PDS5A: variants seen among roughly 807,000 people sequenced by gnomAD.
The protein encoded by PDS5A is sister chromatid cohesion protein PDS5 homolog A.
Under a neutral mutation model 167.1 loss-of-function variants are expected in PDS5A, and 42 were observed. The ratio of observed to expected loss-of-function variants is 0.25; its 90% CI spans 0.20 to 0.33. The LOEUF (loss-of-function observed/expected upper bound fraction) is 0.33. Ranked by LOEUF, PDS5A falls within the 10% of genes least tolerant of loss-of-function variation. The pLI is 1.00. For missense variants in PDS5A, 1,033 were observed against 1,605.9 expected (o/e 0.64, Z 6.10); for synonymous variants, 553 against 554.6 (o/e 1.00, Z 0.04).
chr4:39,901,843 A>G (rs1481138631), intron 13 of PDS5A, among the ~76,000 whole-genome samples: 2 of 152,284 alleles, frequency 1.3e-5, no homozygotes, highest in East Asian at 3.9e-4. Flanking sequence ...TTTACTTTAA[A>G]AAAAAAATCT....
At position 39,918,407 on chromosome 4, in the gene PDS5A, G is replaced by A. The variant is rs528080652; in HGVS notation, c.736-1219C>T. On this transcript the variant is annotated intron_variant, in intron 7 of 32. Transcript: ENST00000303538. ...ATAAAGAGTATACAAGGCCAAGAGC[G>A]CAAATTAAAAGATACCAGCACTGCA... Among the ~76,000 whole-genome samples the A allele has an allele frequency of 5.6e-4, 85 of 151,830 alleles. 1 individual carries two copies. Among genetic ancestry groups the A allele is most frequent in the South Asian group, 3.6e-3 (17 of 4,788 alleles).
intron 11 of PDS5A, among the ~76,000 whole-genome samples, chr4:39,905,617 G>A (rs1723268175): frequency 6.6e-6 from 1 of 152,060 alleles, no homozygotes. Flanking sequence ...GACCTTTGAG[G>A]AACGCTTTCA....
chr4:39,920,826 A>G (rs1724891320), intron 6 of PDS5A, among the ~76,000 whole-genome samples: 1 of 152,238 alleles, frequency 6.6e-6, no homozygotes, highest in South Asian at 2.1e-4. Flanking sequence ...TCTGGAGAAG[A>G]GTAGACCTGG....
At chr4:39,894,649 T>A (rs1683574616) in intron 16 of PDS5A, among the ~76,000 whole-genome samples, 1 of 152,176 alleles carries the variant, frequency 6.6e-6, no homozygotes. Context: ...CACATATACA[T>A]CTATTATAGT....
rs577132200 is a variant in PDS5A, at chr4:39,959,963, G to A, written c.138+16477C>T. Among the ~76,000 whole-genome samples the A allele has an allele frequency of 5.3e-5, 8 of 152,186 alleles. No individual in the cohort carries two copies. The East Asian group carries it at 1.2e-3, about 22-fold the overall frequency. On this transcript the variant is annotated intron_variant, in intron 2 of 32. Transcript: ENST00000303538. Reference sequence around the variant, plus strand: ...AAAAATTAGGTGGGCATGGTGGTACGTAACCAGCAGTCCCACCAACTTGGG... The same window carrying A: ...AAAAATTAGGTGGGCATGGTGGTACATAACCAGCAGTCCCACCAACTTGGG...
chr4:39,951,548 C>T (rs1728362985), intron 2 of PDS5A, among the ~76,000 whole-genome samples: 1 of 152,150 alleles, frequency 6.6e-6, no homozygotes, highest in Admixed American at 6.6e-5. Context: ...AATCTTGCAG[C>T]ATTAAGTGTT....
chr4:39,943,620 C>CA lies in PDS5A; in HGVS notation c.139-15457dup, dbSNP rs67431661. Among the ~76,000 whole-genome samples the CA allele has an allele frequency of 6.4e-3, 703 of 109,790 alleles. 5 individuals are homozygous for CA. The highest frequency in any genetic ancestry group is 0.021 in the African/African-American group (578 of 27,756). The allele number at this position is 109,790 out of a possible 152,430, so 72.0% of individuals were successfully genotyped here. A position where few individuals can be genotyped will look rare whatever the true frequency, so the allele number is the denominator to read the frequency against. On this transcript the variant is annotated intron_variant, in intron 2 of 32. Transcript: ENST00000303538. ...CCAACATGGTGAAACCCCGTTTCTA[C>CA]AAAAAAAAAAAAAAAAAAAATACAA...
rs200549069 is a variant in PDS5A at position 39,829,426 on chromosome 4, G to A, written c.4011-3938C>T. On this transcript the variant is annotated intron_variant, in intron 32 of 32. Transcript: ENST00000303538. ...AGCACTTTGGGAGGCCGAGGTGGGT[G>A]GATCACGAGGTCAGGAGATCAGGAC... Among the ~76,000 whole-genome samples the A allele has an allele frequency of 1.2e-4, 19 of 152,188 alleles. No homozygotes were observed. In the East Asian group the frequency reaches 3.7e-3, roughly 29 times the overall value.
At chr4:39,962,110 T>G (rs1009161936) in intron 2 of PDS5A, among the ~76,000 whole-genome samples, 1 of 151,786 alleles carries the variant, frequency 6.6e-6, no homozygotes, top group East Asian at 1.9e-4. Flanking sequence ...CAGGATGGAG[T>G]GCAGTGGCAC....
intron 2 of PDS5A, among the ~76,000 whole-genome samples, chr4:39,944,162 G>C (rs1727515551): frequency 8.0e-6 from 1 of 124,642 alleles, no homozygotes; most frequent in Admixed American, 9.6e-5. Context: ...CTGGGAAACA[G>C]AGTGAGACTC....
At chr4:39,921,418 G>A (rs1387219159) in intron 6 of PDS5A, among the ~76,000 whole-genome samples, 2 of 152,040 alleles carry the variant, frequency 1.3e-5, no homozygotes, top group East Asian at 3.9e-4. Flanking sequence ...TTTCTTAAAA[G>A]AAGTCTATTT....
chr4:39,851,058 ATATT>A (rs1224875646), intron 26 of PDS5A, among the ~76,000 whole-genome samples: 1 of 152,224 alleles, frequency 6.6e-6, no homozygotes, highest in Non-Finnish European at 1.5e-5. Flanking sequence ...TGTTTCAATA[ATATT>A]TATTAACTTA....
chr4:39,926,761 T>G lies in PDS5A; in HGVS notation c.429+14A>C, dbSNP rs1560490480. 4 of 1,245,414 alleles carry G rather than the reference T, an allele frequency of 3.2e-6. No individual in the cohort carries two copies. Among genetic ancestry groups the G allele is most frequent in the Admixed American group, 3.9e-5 (1 of 25,562 alleles). 77.1% of individuals were successfully genotyped at this position (1,245,414 alleles called of 1,614,324 possible). A position where few individuals can be genotyped will look rare whatever the true frequency, so the allele number is the denominator to read the frequency against. ...AAATAATGTTAATAGTTATTAAAGT[T>G]TTTTTTTTTTTACCTCTAATAAATA... On this transcript the variant is annotated intron_variant, in intron 4 of 32. Coordinates refer to ENST00000303538, the MANE Select transcript of PDS5A (RefSeq NM_001100399.2).
chr4:39,975,972 T>C (rs1195404553), intron 2 of PDS5A: 1 of 152,374 alleles, frequency 6.6e-6, no homozygotes, highest in East Asian at 1.9e-4. Flanking sequence ...GCCTGAATTA[T>C]GAAAAGTCTG....
intron 32 of PDS5A, among the ~76,000 whole-genome samples, chr4:39,833,209 A>AG (rs1490833733): frequency 6.8e-6 from 1 of 148,012 alleles, no homozygotes; most frequent in Non-Finnish European, 1.5e-5. Flanking sequence ...AAAAAAAAAA[A>AG]AAAAAAAGAA....
At chr4:39,925,374 T>C (rs1426130735) in intron 5 of PDS5A, among the ~76,000 whole-genome samples, 1 of 152,164 alleles carries the variant, frequency 6.6e-6, no homozygotes, top group Non-Finnish European at 1.5e-5. Flanking sequence ...GAATAAGAAG[T>C]TGTCAAAGTT....
chr4:39,831,296 T>C (rs1433288634), intron 32 of PDS5A, among the ~76,000 whole-genome samples: 1 of 152,140 alleles, frequency 6.6e-6, no homozygotes, highest in Admixed American at 6.5e-5. Flanking sequence ...AGATGGAGTT[T>C]CACCATATTG....
intron 30 of PDS5A, 107 bp from the exon 31 acceptor site, chr4:39,842,163 T>A: frequency 1.5e-6 from 1 of 668,294 alleles, no homozygotes. Context: ...ACCTTGACAA[T>A]TGAAGCAACA....
At chr4:39,894,372 C>T (rs1484932047) in intron 16 of PDS5A, among the ~76,000 whole-genome samples, 1 of 151,836 alleles carries the variant, frequency 6.6e-6, no homozygotes, top group Non-Finnish European at 1.5e-5. Flanking sequence ...TGTGTCATTA[C>T]ACTCCAGCCT....
Sources: allele counts gnomAD v4.1 joint callset (sites outside exome capture counted in the v4.1 genomes callset), GRCh38; gene constraint gnomAD v4.1.1; transcripts MANE v1.5; gene names NCBI Gene and HGNC (gene_info 2026-07-23, HGNC 2026-07-21).